EMP2: variants seen among roughly 807,000 people sequenced by gnomAD.
The protein encoded by EMP2 is epithelial membrane protein 2.
In EMP2, 19 loss-of-function variants were observed where a neutral mutation model predicts 13.7. The ratio of observed to expected loss-of-function variants is 1.38; its 90% CI spans 0.97 to 2.03. The LOEUF is 2.03. EMP2 is among the 30% of genes most tolerant of loss of function. EMP2 has a pLI of 0.00. For synonymous variants in EMP2, 97 were observed against 84.7 expected, an observed-to-expected ratio of 1.15 and a Z score of -0.80; for missense variants, 253 against 220.7, an observed-to-expected ratio of 1.15 and a Z score of -0.93.
Position 10,533,004 on chromosome 16 carries a change from T to C in EMP2, c.405A>G (p.Arg135=), listed in dbSNP as rs2050619677. The C allele has an allele frequency of 3.1e-6, 5 of 1,612,486 alleles. No individual in the cohort carries two copies. The highest frequency in any genetic ancestry group is 4.2e-6 in the Non-Finnish European group (5 of 1,179,418). The change falls in exon 5 of 5, where the codon AGA becomes AGG. Residue 135 remains arginine, a synonymous_variant. Transcript: ENST00000359543. ...DKNAKFYPVT[R]EGSYGYSYIL... Reference sequence around the variant, plus strand: ...TGTAGGAGTAGCCGTAGCTGCCTTCTCTGGTCACGGGATAGAATTTCGCGT... The same window carrying C: ...TGTAGGAGTAGCCGTAGCTGCCTTCCCTGGTCACGGGATAGAATTTCGCGT...
At chr16:10,576,504 T>C (rs1029326277) in intron 1 of EMP2, 2 of 151,884 alleles carry the variant, frequency 1.3e-5, no homozygotes, top group Non-Finnish European at 2.9e-5. Context: ...ATATCCTGCA[T>C]GGTGATGGCG....
Position 10,580,549 on chromosome 16 carries a change from C to A in EMP2, c.-61G>T. 1 of 152,802 alleles carries A rather than the reference C, an allele frequency of 6.5e-6. No individual in the cohort carries two copies. The highest frequency in any genetic ancestry group is 1.9e-4 in the East Asian group (1 of 5,180). The allele number at this position is 152,802 out of a possible 1,614,324, so 9.5% of individuals were successfully genotyped here. On this transcript the variant is annotated splice_region_variant and 5_prime_UTR_variant, in exon 1 of 5. Coordinates refer to ENST00000359543, the MANE Select transcript of EMP2 (RefSeq NM_001424.6). This position sits in a 1 kb window ranked among gnomAD's most constrained non-coding sequence, Gnocchi z 4.3. The stretch of plus-strand genomic sequence containing the variant: ...CGCCCTGGGTGCGCCCACAACTCAC[C>A]CGGCGCTGGCGGCTGCGCTGGCAGC...
intron 1 of EMP2, among the ~76,000 whole-genome samples, chr16:10,556,981 T>G (rs1213763650): frequency 6.6e-6 from 1 of 152,180 alleles, no homozygotes; most frequent in Non-Finnish European, 1.5e-5. Context: ...AGGGGGAATC[T>G]GTGAAGGCAA....
At chr16:10,545,822 G>A (rs372596156) in intron 2 of EMP2, 2 of 151,220 alleles carry the variant, frequency 1.3e-5, no homozygotes, top group African/African-American at 2.4e-5. Flanking sequence ...CATGAAACCG[G>A]TTCCTGGTGC....
At position 10,538,716 on chromosome 16, in the gene EMP2, C is replaced by T. The variant is rs1227910547; in HGVS notation, c.170-642G>A. Among the ~76,000 whole-genome samples, 3 of 152,096 alleles carry T rather than the reference C, an allele frequency of 2.0e-5. No homozygotes were observed. In the East Asian group the frequency reaches 5.8e-4, roughly 29 times the overall value. On this transcript the variant is annotated intron_variant, in intron 3 of 4. Transcript: ENST00000359543. ...TGGAGGGTGTCACATGGGGGCAGGT[C>T]ACAGTGAGGCTAATGTGTAGAAAGC...
intron 1 of EMP2, among the ~76,000 whole-genome samples, chr16:10,578,845 C>T (rs1200112342): frequency 6.6e-6 from 1 of 152,248 alleles, no homozygotes; most frequent in Non-Finnish European, 1.5e-5. Context: ...GCCACCTCCA[C>T]GCCTCTCCCT....
At chr16:10,548,892 G>A (rs1223788970) in intron 1 of EMP2, among the ~76,000 whole-genome samples, 1 of 152,112 alleles carries the variant, frequency 6.6e-6, no homozygotes, top group Non-Finnish European at 1.5e-5. Context: ...GCAGCTAGAT[G>A]GGGAACTCAT....
At position 10,537,981 on chromosome 16, in the gene EMP2, C is replaced by A. The variant is rs758651134; in HGVS notation, c.263G>T (p.Arg88Leu). ...AFFIFVLQLF[R>L]LKQGERFVLT... ...GACAAACCTCTCTCCCTGCTTCAGG[C>A]GGAAGAGCTGGAGCACGAAGATGAA... The change falls in exon 4 of 5, where the codon CGC (arginine) becomes CTC (leucine). Residue 88 changes from arginine to leucine, a missense_variant. Coordinates refer to ENST00000359543, the MANE Select transcript of EMP2 (RefSeq NM_001424.6). 1.2e-6 allele frequency: 2 copies of A among 1,613,916 alleles called. No homozygotes were observed. Among genetic ancestry groups the A allele is most frequent in the African/African-American group, 1.3e-5 (1 of 74,888 alleles).
intron 1 of EMP2, among the ~76,000 whole-genome samples, chr16:10,548,100 C>T (rs1182633712): frequency 1.3e-5 from 2 of 152,288 alleles, no homozygotes; most frequent in Admixed American, 6.5e-5. Context: ...CATCTTTACT[C>T]GCCTGGAGAC....
chr16:10,537,211 C>G (rs1196833261), intron 4 of EMP2, among the ~76,000 whole-genome samples: 1 of 152,216 alleles, frequency 6.6e-6, no homozygotes, highest in Non-Finnish European at 1.5e-5. Flanking sequence ...TGAGAAACAA[C>G]AAATGATCAT....
At chr16:10,546,066 C>T (rs991552014) in intron 2 of EMP2, 2 of 152,224 alleles carry the variant, frequency 1.3e-5, no homozygotes, top group African/African-American at 4.8e-5. Context: ...GTTCCTTCAC[C>T]TGTAACCCGG....
rs886101558 is a variant in EMP2 at position 10,528,627 on chromosome 16, T to C, written c.*4278A>G. On this transcript the variant is annotated 3_prime_UTR_variant, in exon 5 of 5. Transcript: ENST00000359543. ...GTACAGTTTCAGATTATACAAAACA[T>C]AGAAAATGGACTATTTTAAAGGTAC... is the stretch of plus-strand genomic sequence containing the variant. 1 of 152,138 alleles carries C rather than the reference T, an allele frequency of 6.6e-6. No homozygotes were observed. The highest frequency in any genetic ancestry group is 2.4e-5 in the African/African-American group (1 of 41,424). 9.4% of individuals were successfully genotyped at this position (152,138 alleles called of 1,614,324 possible). A position where few individuals can be genotyped will look rare whatever the true frequency, so the allele number is the denominator to read the frequency against.
chr16:10,565,061 T>TC (rs2050898157), intron 1 of EMP2, among the ~76,000 whole-genome samples: 1 of 152,226 alleles, frequency 6.6e-6, no homozygotes, highest in Non-Finnish European at 1.5e-5. Flanking sequence ...AGACTGGGTT[T>TC]CTATTTCTTT....
chr16:10,573,785 A>G (rs2050963639), intron 1 of EMP2, among the ~76,000 whole-genome samples: 1 of 152,196 alleles, frequency 6.6e-6, no homozygotes, highest in East Asian at 1.9e-4. Context: ...TCGTATAAAC[A>G]TGTGAGGCCA....
rs1435100173 is a variant in EMP2 at position 10,530,563 on chromosome 16, G to A, written c.*2342C>T. The A allele has an allele frequency of 6.6e-6, 1 of 152,544 alleles. No individual in the cohort carries two copies. Among genetic ancestry groups the A allele is most frequent in the Non-Finnish European group, 1.5e-5 (1 of 68,054 alleles). 9.4% of individuals were successfully genotyped at this position (152,544 alleles called of 1,614,324 possible). On this transcript the variant is annotated 3_prime_UTR_variant, in exon 5 of 5. Transcript: ENST00000359543. ...AGAAAAAGACAATGAGGTGCAAAGAGCTTATCTCCTGGGATGGTTCCTGGG... is the reference window on the plus strand; with the variant it reads ...AGAAAAAGACAATGAGGTGCAAAGAACTTATCTCCTGGGATGGTTCCTGGG...
chr16:10,558,608 A>C (rs2050849875), intron 1 of EMP2, among the ~76,000 whole-genome samples: 1 of 152,068 alleles, frequency 6.6e-6, no homozygotes, highest in Non-Finnish European at 1.5e-5. Flanking sequence ...TTGCTCGTGG[A>C]AAGTCACCAT....
intron 1 of EMP2, among the ~76,000 whole-genome samples, chr16:10,570,550 A>C (rs2050940067): frequency 6.6e-6 from 1 of 152,112 alleles, no homozygotes; most frequent in Admixed American, 6.5e-5. Flanking sequence ...GGCATGTGCC[A>C]CCACACCTGG....
intron 1 of EMP2, among the ~76,000 whole-genome samples, chr16:10,568,493 C>T (rs2050924634): frequency 1.3e-5 from 2 of 152,286 alleles, no homozygotes; most frequent in African/African-American, 4.8e-5. Flanking sequence ...GACTTATTTT[C>T]CCAACACCAA....
chr16:10,565,005 T>C (rs149707736), intron 1 of EMP2, among the ~76,000 whole-genome samples: 16 of 152,366 alleles, frequency 1.1e-4, no homozygotes, highest in African/African-American at 1.9e-4. Context: ...AACATTGTTA[T>C]TAAATTCCAG....
Sources: allele counts gnomAD v4.1 joint callset (sites outside exome capture counted in the v4.1 genomes callset), GRCh38; gene constraint gnomAD v4.1.1; non-coding constraint Gnocchi (gnomAD v3.1); transcripts MANE v1.5; gene names NCBI Gene and HGNC (gene_info 2026-07-23, HGNC 2026-07-21).